MED14: variants seen among roughly 807,000 people sequenced by gnomAD.
The protein encoded by MED14 is mediator complex subunit 14.
A neutral mutation model predicts 109.0 loss-of-function variants in MED14; 8 were observed. The ratio of observed to expected loss-of-function variants is 0.07; its 90% confidence interval spans 0.04 to 0.13. The LOEUF is 0.13. Ranked by LOEUF, MED14 falls within the 10% of genes least tolerant of loss-of-function variation. The probability of loss-of-function intolerance (pLI) is 1.00; values close to 1 mark genes in which losing one functional copy is unlikely to be tolerated. For missense variants in MED14, 711 were observed against 1,142.4 expected, an observed-to-expected ratio of 0.62 and a Z score of 5.44; for synonymous variants, 399 against 408.7, an observed-to-expected ratio of 0.98 and a Z score of 0.29.
chrX:40,650,521 A>C lies in MED14; in HGVS notation c.*1285T>G. On this transcript the variant is annotated 3_prime_UTR_variant, in exon 31 of 31. Transcript: ENST00000324817. The stretch of plus-strand genomic sequence containing the variant: ...TATTATCACTTAAAAATTTTTCCTA[A>C]ATACCATGAAGTCGGTAGAAGACCT... 1.3e-6 allele frequency: 1 copy of C among 753,975 alleles called. No homozygotes were observed. The highest frequency in any genetic ancestry group is 1.6e-6 in the Non-Finnish European group (1 of 639,216). The allele number at this position is 753,975 out of a possible 1,213,427, so 62.1% of individuals were successfully genotyped here.
In MED14 at chrX:40,682,768, A is replaced by G. The variant is rs1161004868; in HGVS notation, c.2219-19T>C. 2 of 1,205,044 alleles carry G rather than the reference A, an allele frequency of 1.7e-6. No homozygotes were observed. The highest frequency in any genetic ancestry group is 2.2e-5 in the Admixed American group (1 of 45,547). ...GATGGTCCTACAGGATTAAAAGAGA[A>G]TATTAATAGTAATCGATACCAAAAA... is the stretch of plus-strand genomic sequence containing the variant. On this transcript the variant is annotated intron_variant, in intron 17 of 30. Coordinates refer to ENST00000324817, the MANE Select transcript of MED14 (RefSeq NM_004229.4).
At chrX:40,717,901 A>G in intron 3 of MED14, among the ~76,000 whole-genome samples, 1 of 112,208 alleles carries the variant, frequency 8.9e-6, no homozygotes, top group Non-Finnish European at 1.9e-5. Context: ...TGGCCAACTT[A>G]AAACATAGTA....
intron 10 of MED14, among the ~76,000 whole-genome samples, chrX:40,707,431 G>A (rs1306061697): frequency 4.5e-5 from 5 of 111,513 alleles, no homozygotes; most frequent in African/African-American, 1.6e-4. Flanking sequence ...ACACTCCTAG[G>A]TGTACAGCCA....
chrX:40,681,994 A>T, intron 18 of MED14, 51 bp from the exon 19 acceptor site: 1 of 612,756 alleles, frequency 1.6e-6, no homozygotes, highest in East Asian at 4.0e-5. Context: ...GTAAAATTTT[A>T]AAATATAAAT....
At position 40,692,963 on chromosome X, in the gene MED14, G is replaced by A. The variant is rs768362191; in HGVS notation, c.1651-61C>T. 42 of 849,319 alleles carry A rather than the reference G, an allele frequency of 4.9e-5. No individual in the cohort carries two copies. In the South Asian group the frequency reaches 1.2e-3, roughly 25 times the overall value. 70.0% of individuals were successfully genotyped at this position (849,319 alleles called of 1,213,427 possible). A position where few individuals can be genotyped will look rare whatever the true frequency, so the allele number is the denominator to read the frequency against. On this transcript the variant is annotated intron_variant, in intron 13 of 30. Transcript: ENST00000324817. The stretch of plus-strand genomic sequence containing the variant: ...TAAGAAGTGTCAGATATTTTCCTCC[G>A]TACATCATCAAGTAAGGCTCAGAAT...
Position 40,703,551 on chromosome X carries a change from A to G in MED14, c.1304T>C (p.Leu435Pro), listed in dbSNP as rs1444869058. 8.4e-7 allele frequency: 1 copy of G among 1,186,817 alleles called. No individual in the cohort carries two copies. The highest frequency in any genetic ancestry group is 1.1e-6 in the Non-Finnish European group (1 of 878,074). The change falls in exon 11 of 31, where the codon CTC (leucine) becomes CCC (proline). Residue 435 changes from leucine (L) to proline (P), a missense_variant. Around this residue, in one of 8 missense-constraint regions of MED14, gnomAD observed 388 missense variants for 517.3 expected, o/e 0.75. Coordinates refer to ENST00000324817, the MANE Select transcript of MED14 (RefSeq NM_004229.4). ...CAAGATGGGAACAACAAGAGCTGGG[A>G]GTGCAGTCTCTATGGAAGCTGAACA... ...ANENSSIETA[L>P]PALVVPILEP...
At chrX:40,694,846 G>A (rs1039186166) in intron 13 of MED14, among the ~76,000 whole-genome samples, 2 of 111,804 alleles carry the variant, frequency 1.8e-5, no homozygotes, top group Non-Finnish European at 3.8e-5. Context: ...CCCACTCCTA[G>A]TTACTTATCC....
intron 23 of MED14, among the ~76,000 whole-genome samples, chrX:40,670,992 A>C (rs749057154): frequency 8.9e-6 from 1 of 111,979 alleles, no homozygotes; most frequent in South Asian, 3.7e-4. Context: ...CACTAGATAA[A>C]AGGTTTTATT....
intron 16 of MED14, among the ~76,000 whole-genome samples, chrX:40,684,783 A>G (rs772706739): frequency 2.6e-4 from 29 of 112,635 alleles, no homozygotes; most frequent in African/African-American, 9.0e-4. Context: ...CATGTGTTCA[A>G]GTGAGAACTA....
At chrX:40,707,267 C>T in intron 10 of MED14, among the ~76,000 whole-genome samples, 1 of 112,254 alleles carries the variant, frequency 8.9e-6, no homozygotes, top group Non-Finnish European at 1.9e-5. Context: ...ACAAATGTTA[C>T]TGAGATAACT....
At chrX:40,674,542 C>T (rs1390681384) in intron 22 of MED14, among the ~76,000 whole-genome samples, 1 of 112,159 alleles carries the variant, frequency 8.9e-6, no homozygotes, top group African/African-American at 3.2e-5. Flanking sequence ...AGAGCCTTGC[C>T]TACAGGCTGT....
intron 3 of MED14, among the ~76,000 whole-genome samples, chrX:40,724,686 T>C (rs1176452618): frequency 9.0e-6 from 1 of 111,351 alleles, no homozygotes; most frequent in African/African-American, 3.3e-5. Context: ...AAGAGATAAA[T>C]TTATAGTTAT....
At chrX:40,696,110 A>G (rs541564042) in intron 13 of MED14, among the ~76,000 whole-genome samples, 1 of 107,178 alleles carries the variant, frequency 9.3e-6, no homozygotes, top group South Asian at 4.2e-4. Flanking sequence ...CTTAGCCAAC[A>G]TATCTACTTG....
intron 19 of MED14, among the ~76,000 whole-genome samples, chrX:40,681,604 G>A (rs1311005558): frequency 1.8e-5 from 2 of 111,434 alleles, no homozygotes; most frequent in Non-Finnish European, 1.9e-5. Flanking sequence ...AACACCATCA[G>A]TACATTACCT....
At chrX:40,707,366 T>G (rs1023922564) in intron 10 of MED14, among the ~76,000 whole-genome samples, 1 of 111,985 alleles carries the variant, frequency 8.9e-6, no homozygotes, top group Non-Finnish European at 1.9e-5. Context: ...CTGGTTAGAT[T>G]GTAAAGTGGT....
chrX:40,735,146 G>T, intron 1 of MED14, 52 bp downstream of exon 1: 2 of 941,412 alleles, frequency 2.1e-6, no homozygotes, highest in Non-Finnish European at 2.8e-6. Context: ...CGTCTCAGCC[G>T]GTTGGGCGGG....
rs189801648 is a variant in MED14, at chrX:40,651,914, A to G, written c.4292-35T>C. Reference sequence around the variant, plus strand: ...AGAAAAATGGTCATTAGCTATTCACAACACAGGAAAGATGTTAACACACCG... The same window carrying G: ...AGAAAAATGGTCATTAGCTATTCACGACACAGGAAAGATGTTAACACACCG... On this transcript the variant is annotated intron_variant, in intron 30 of 30. Coordinates refer to ENST00000324817, the MANE Select transcript of MED14 (RefSeq NM_004229.4). The G allele has an allele frequency of 3.2e-4, 369 of 1,164,730 alleles. 6 individuals carry two copies. The Admixed American group carries it at 9.3e-3, about 29-fold the overall frequency.
At chrX:40,684,339 G>T (rs1170698542) in intron 16 of MED14, among the ~76,000 whole-genome samples, 3 of 112,086 alleles carry the variant, frequency 2.7e-5, no homozygotes, top group African/African-American at 9.7e-5. Context: ...GGGCAAAACT[G>T]CCCTGGGGTT....
chrX:40,655,249 A>C (rs192502849), intron 28 of MED14, among the ~76,000 whole-genome samples, 189 bp from the exon 29 acceptor site: 2 of 111,787 alleles, frequency 1.8e-5, no homozygotes, highest in East Asian at 5.6e-4. Flanking sequence ...CTGTGGACTT[A>C]TGTAAGATTT....
Sources: allele counts gnomAD v4.1 joint callset (sites outside exome capture counted in the v4.1 genomes callset), GRCh38; gene constraint gnomAD v4.1.1; regional missense constraint gnomAD v4.1.1; transcripts MANE v1.5; gene names NCBI Gene and HGNC (gene_info 2026-07-23, HGNC 2026-07-21).